Variants in KLF12 observed in about 807,000 individuals in gnomAD.
KLF12 encodes the protein Krueppel-like factor 12.
In KLF12, 9 loss-of-function variants were observed where a neutral mutation model predicts 37.8. That is an observed-to-expected ratio of 0.24 (90% CI 0.14 to 0.42). The LOEUF is 0.42. Ranked by LOEUF, KLF12 falls within the 10% of genes least tolerant of loss-of-function variation. KLF12 has a pLI of 1.00. For missense variants in KLF12, 411 were observed against 516.0 expected (o/e 0.80, Z 1.97); for synonymous variants, 208 against 202.1 (o/e 1.03, Z -0.25).
intron 3 of KLF12, among the ~76,000 whole-genome samples, chr13:73,919,666 T>G (rs988821400): frequency 8.5e-5 from 13 of 152,316 alleles, no homozygotes; most frequent in African/African-American, 2.4e-4. Flanking sequence ...ATCATTAACA[T>G]TGCACGCCAT....
chr13:74,051,238 C>T (rs1476528847), intron 1 of KLF12, among the ~76,000 whole-genome samples: 1 of 152,072 alleles, frequency 6.6e-6, no homozygotes, highest in African/African-American at 2.4e-5. Context: ...TCTGCACTCC[C>T]ATGTTTATTG....
intron 1 of KLF12, among the ~76,000 whole-genome samples, chr13:74,078,160 A>G (rs1874674662): frequency 6.6e-6 from 1 of 152,220 alleles, no homozygotes; most frequent in Non-Finnish European, 1.5e-5. Context: ...TGGAACCTAC[A>G]AGAGCAGATT....
intron 3 of KLF12, among the ~76,000 whole-genome samples, chr13:73,942,682 G>A (rs1375358367): frequency 6.6e-6 from 1 of 152,160 alleles, no homozygotes; most frequent in East Asian, 1.9e-4. Context: ...TCTACTGCCT[G>A]TGTCTTGGGC....
At position 73,813,438 on chromosome 13, in the gene KLF12, T is replaced by C. The variant is rs945785145; in HGVS notation, c.671-151A>G. ...GAATCAGTGAAAGCTCCAGGTTTTA[T>C]GTTCTGAGTACTTACTGATTCTTTT... On this transcript the variant is annotated intron_variant, in intron 4 of 7. Coordinates refer to ENST00000377669, the MANE Select transcript of KLF12 (RefSeq NM_007249.5). The C allele has an allele frequency of 3.6e-6, 3 of 837,088 alleles. No homozygotes were observed. The African/African-American group carries it at 5.2e-5, about 14-fold the overall frequency. 51.9% of individuals were successfully genotyped at this position (837,088 alleles called of 1,614,324 possible). A position where few individuals can be genotyped will look rare whatever the true frequency, so the allele number is the denominator to read the frequency against.
intron 3 of KLF12, among the ~76,000 whole-genome samples, chr13:73,914,428 C>T (rs1416292202): frequency 1.3e-5 from 2 of 152,206 alleles, no homozygotes; most frequent in Non-Finnish European, 2.9e-5. Context: ...CCTACCTTGA[C>T]TGTTCTGAGA....
chr13:74,042,801 A>G (rs548855706), intron 1 of KLF12, among the ~76,000 whole-genome samples: 1 of 152,348 alleles, frequency 6.6e-6, no homozygotes, highest in Non-Finnish European at 1.5e-5. Flanking sequence ...GAACTCATAA[A>G]GCTTTTAAAT....
rs146132466 is a variant in KLF12 at position 73,996,259 on chromosome 13, G to C, written c.-31-1206C>G. Among the ~76,000 whole-genome samples, 3 of 152,314 alleles carry C rather than the reference G, an allele frequency of 2.0e-5. No homozygotes were observed. The East Asian group carries it at 5.8e-4, about 29-fold the overall frequency. The stretch of plus-strand genomic sequence containing the variant: ...GGGAATCCAACATTTCAATATTATA[G>C]TGGCAGACTAAAAACATTCTCTTGA... On this transcript the variant is annotated intron_variant, in intron 1 of 7. Coordinates refer to ENST00000377669, the MANE Select transcript of KLF12 (RefSeq NM_007249.5).
intron 4 of KLF12, among the ~76,000 whole-genome samples, chr13:73,833,560 G>A (rs1029358422): frequency 3.9e-5 from 6 of 152,266 alleles, no homozygotes; most frequent in Middle Eastern, 3.4e-3. Context: ...AGGCAGTAAG[G>A]CAATGAGAAA....
the KLF12 span, among the ~76,000 whole-genome samples, chr13:74,298,433 C>T: frequency 1.3e-5 from 2 of 152,066 alleles, no homozygotes; most frequent in Admixed American, 6.6e-5. Context: ...AGTTGTTCTG[C>T]GTTTCAAATG....
intron 2 of KLF12, among the ~76,000 whole-genome samples, chr13:73,961,437 G>A (rs973996922): frequency 1.3e-5 from 2 of 152,170 alleles, no homozygotes; most frequent in East Asian, 1.9e-4. Flanking sequence ...ATACAGTCCC[G>A]AAATTGGAGA....
At chr13:74,298,450 A>G in the KLF12 span, among the ~76,000 whole-genome samples, 3 of 152,234 alleles carry the variant, frequency 2.0e-5, no homozygotes, top group East Asian at 5.8e-4. Context: ...AATGCTCCAC[A>G]GCCACATGTG....
chr13:73,773,580 TGTGTTCCATTTCCACA>T (rs1360467212), intron 5 of KLF12, among the ~76,000 whole-genome samples: 3 of 60,206 alleles, frequency 5.0e-5, no homozygotes, highest in African/African-American at 1.1e-4. Context: ...CCATTATATC[TGTGTTCCATTTCCACA>T]GTTACTCACC....
intron 6 of KLF12, among the ~76,000 whole-genome samples, chr13:73,726,724 C>T (rs1020659689): frequency 6.6e-6 from 1 of 152,134 alleles, no homozygotes; most frequent in African/African-American, 2.4e-5. Context: ...CACTTTTTGG[C>T]TATTATGAAT....
chr13:74,254,527 TA>T, the KLF12 span, among the ~76,000 whole-genome samples: 3 of 152,210 alleles, frequency 2.0e-5, no homozygotes, highest in Non-Finnish European at 4.4e-5. Context: ...AGCTGAAATC[TA>T]CACAGAAATA....
chr13:74,064,831 CAA>C (rs1260561099), intron 1 of KLF12, among the ~76,000 whole-genome samples: 10 of 152,142 alleles, frequency 6.6e-5, no homozygotes, highest in African/African-American at 2.2e-4. Context: ...GTGATTTGTA[CAA>C]AGTCACAAAG....
intron 3 of KLF12, among the ~76,000 whole-genome samples, chr13:73,862,313 C>T (rs748889096): frequency 6.6e-6 from 1 of 152,120 alleles, no homozygotes; most frequent in Non-Finnish European, 1.5e-5. Flanking sequence ...GTTTATTCCT[C>T]ACAACATCTC....
At chr13:74,113,038 C>T (rs1248852292) in intron 1 of KLF12, among the ~76,000 whole-genome samples, 1 of 152,194 alleles carries the variant, frequency 6.6e-6, no homozygotes, top group Non-Finnish European at 1.5e-5. Flanking sequence ...CCACAACATT[C>T]CCTTAAACCA....
chr13:74,287,398 C>T, the KLF12 span, among the ~76,000 whole-genome samples: 1 of 41,990 alleles, frequency 2.4e-5, no homozygotes, highest in African/African-American at 9.2e-5. Flanking sequence ...GAGAGAGAAT[C>T]CACCTCTATC....
chr13:74,237,873 T>G, the KLF12 span, among the ~76,000 whole-genome samples: 1 of 152,194 alleles, frequency 6.6e-6, no homozygotes, highest in Non-Finnish European at 1.5e-5. Context: ...TATACAATCA[T>G]GTGGTCTGCA....
Sources: gnomAD v4.1 joint callset for allele counts (sites outside exome capture counted in the v4.1 genomes callset) on GRCh38, gnomAD v4.1.1 for gene constraint, MANE v1.5 for transcripts, NCBI Gene and HGNC (gene_info 2026-07-23, HGNC 2026-07-21) for gene names.